The following TSPAN12 variants were observed in gnomAD, a reference collection of about 807,000 sequenced individuals.
The protein encoded by TSPAN12 is tetraspanin-12.
Under a neutral mutation model 39.2 loss-of-function variants are expected in TSPAN12, and 19 were observed. That is an observed-to-expected ratio of 0.49 (90% CI 0.34 to 0.71). The LOEUF (loss-of-function observed/expected upper bound fraction) is 0.71. Among genes scored for constraint, TSPAN12 ranks in the 30% least tolerant of loss-of-function variants. The pLI is 0.01. For missense variants in TSPAN12, 314 were observed against 359.9 expected, an observed-to-expected ratio of 0.87 and a Z score of 1.03; for synonymous variants, 119 against 124.8, an observed-to-expected ratio of 0.95 and a Z score of 0.31.
chr7:120,806,523 A>G, intron 7 of TSPAN12, 26 bp downstream of exon 7: 1 of 1,609,056 alleles, frequency 6.2e-7, no homozygotes, highest in Non-Finnish European at 8.5e-7. Context: ...ATTTATCCAT[A>G]ATAAATTAAC....
intron 4 of TSPAN12, among the ~76,000 whole-genome samples, chr7:120,837,537 T>A (rs1794501843): frequency 6.6e-6 from 1 of 152,028 alleles, no homozygotes; most frequent in Non-Finnish European, 1.5e-5. Flanking sequence ...TGGTCTTGAT[T>A]TCTTGACCTC....
chr7:120,837,053 T>C (rs961014514), intron 4 of TSPAN12, among the ~76,000 whole-genome samples: 2 of 152,190 alleles, frequency 1.3e-5, no homozygotes, highest in Non-Finnish European at 2.9e-5. Flanking sequence ...AGAGACATCA[T>C]TGTAAGACTG....
chr7:120,800,303 G>A (rs1000518956), intron 7 of TSPAN12, among the ~76,000 whole-genome samples: 9 of 151,996 alleles, frequency 5.9e-5, no homozygotes, highest in African/African-American at 2.2e-4. Flanking sequence ...ACCAAACTCT[G>A]TTCAGGCTCC....
intron 3 of TSPAN12, 102 bp from the exon 4 acceptor site, chr7:120,839,014 T>G: frequency 8.4e-7 from 1 of 1,187,960 alleles, no homozygotes; most frequent in Non-Finnish European, 1.2e-6. Flanking sequence ...ATTCTTTCAA[T>G]CATGATGCCT....
At chr7:120,844,824 G>A (rs1346400448) in intron 2 of TSPAN12, among the ~76,000 whole-genome samples, 2 of 152,196 alleles carry the variant, frequency 1.3e-5, no homozygotes, top group African/African-American at 4.8e-5. Flanking sequence ...CTGGAGGAGA[G>A]TGGCCCTCTT....
At chr7:120,834,987 A>G (rs1249267827) in intron 4 of TSPAN12, among the ~76,000 whole-genome samples, 1 of 152,086 alleles carries the variant, frequency 6.6e-6, no homozygotes, top group Non-Finnish European at 1.5e-5. Context: ...CACTCTCATC[A>G]CTGCCTTCCA....
At chr7:120,831,590 A>T (rs1440710860) in intron 4 of TSPAN12, among the ~76,000 whole-genome samples, 2 of 152,004 alleles carry the variant, frequency 1.3e-5, no homozygotes, top group African/African-American at 4.8e-5. Flanking sequence ...GGAACCTAAA[A>T]AGTGTTGATC....
At position 120,813,197 on chromosome 7, in the gene TSPAN12, T is replaced by C. The variant is rs187318514; in HGVS notation, c.360+2532A>G. 3.1e-4 allele frequency among the ~76,000 whole-genome samples: 47 copies of C among 152,352 alleles called. 1 individual carries two copies. In the East Asian group the frequency reaches 8.7e-3, roughly 28 times the overall value. ...AAATTTGGCAGATAATAAACTTTAA[T>C]GGTACTTTTCATTCACACTGCTATT... On this transcript the variant is annotated intron_variant, in intron 5 of 7. Transcript: ENST00000222747.
chr7:120,795,295 GT>G (rs949224909), intron 7 of TSPAN12, among the ~76,000 whole-genome samples: 8 of 152,326 alleles, frequency 5.3e-5, no homozygotes, highest in Middle Eastern at 3.4e-3. Flanking sequence ...AATAAGACAT[GT>G]TGGCTAACCT....
At chr7:120,849,586 C>T (rs564338324) in intron 2 of TSPAN12, among the ~76,000 whole-genome samples, 35 of 152,228 alleles carry the variant, frequency 2.3e-4, no homozygotes, top group African/African-American at 7.9e-4. Flanking sequence ...TCATGTCAAA[C>T]CTGTTAGCAA....
At chr7:120,835,140 G>T (rs1794453106) in intron 4 of TSPAN12, among the ~76,000 whole-genome samples, 1 of 152,158 alleles carries the variant, frequency 6.6e-6, no homozygotes, top group South Asian at 2.1e-4. Context: ...TTGTAGTCTG[G>T]TAGTCTGGGC....
At chr7:120,829,314 G>T (rs1029014845) in intron 4 of TSPAN12, among the ~76,000 whole-genome samples, 3 of 151,658 alleles carry the variant, frequency 2.0e-5, no homozygotes, top group African/African-American at 7.3e-5. Flanking sequence ...TCAAGAAAAA[G>T]CTTTCTTTAA....
At chr7:120,848,992 T>C (rs1229312721) in intron 2 of TSPAN12, among the ~76,000 whole-genome samples, 1 of 152,212 alleles carries the variant, frequency 6.6e-6, no homozygotes, top group Non-Finnish European at 1.5e-5. Flanking sequence ...AACATGTTAT[T>C]TTCTGCTAAT....
In TSPAN12 at chr7:120,788,598, C is replaced by T. The variant is rs2116272583; in HGVS notation, c.912G>A (p.Glu304=). The change falls in exon 8 of 8, where the codon GAG becomes GAA. Residue 304 remains glutamate, a synonymous_variant. Coordinates refer to ENST00000222747, the MANE Select transcript of TSPAN12 (RefSeq NM_012338.4). ...NSFNTHFEME[E]L Reference sequence around the variant, plus strand: ...TCTTCTGTGACATTTCTTTTTATAACTCCTCCATCTCAAAGTGTGTATTAA... The same window carrying T: ...TCTTCTGTGACATTTCTTTTTATAATTCCTCCATCTCAAAGTGTGTATTAA... 1.2e-6 allele frequency: 2 copies of T among 1,614,098 alleles called. No homozygotes were observed. The highest frequency in any genetic ancestry group is 2.2e-5 in the East Asian group (1 of 44,884).
chr7:120,838,664 T>C, intron 4 of TSPAN12, 113 bp downstream of exon 4: 1 of 1,123,174 alleles, frequency 8.9e-7, no homozygotes, highest in Non-Finnish European at 1.3e-6. Context: ...CGTCCCTTCT[T>C]ACAGGATGTT....
chr7:120,839,033 G>A, intron 3 of TSPAN12, 121 bp from the exon 4 acceptor site: 1 of 972,608 alleles, frequency 1.0e-6, no homozygotes, highest in Non-Finnish European at 1.6e-6. Flanking sequence ...CTCAAAACTA[G>A]TGACTGCATT....
intron 4 of TSPAN12, among the ~76,000 whole-genome samples, chr7:120,836,788 G>GT (rs1294756231): frequency 6.6e-5 from 10 of 152,314 alleles, no homozygotes; most frequent in South Asian, 2.1e-4. Context: ...TCATTCACAA[G>GT]TTTAAGATTT....
At chr7:120,793,094 C>A (rs1793564426) in intron 7 of TSPAN12, among the ~76,000 whole-genome samples, 1 of 152,180 alleles carries the variant, frequency 6.6e-6, no homozygotes, top group Non-Finnish European at 1.5e-5. Flanking sequence ...GCTGAAGAAT[C>A]AATTATCCCT....
At chr7:120,815,475 G>A (rs1179706691) in intron 5 of TSPAN12, among the ~76,000 whole-genome samples, 1 of 134,860 alleles carries the variant, frequency 7.4e-6, no homozygotes, top group Non-Finnish European at 1.6e-5. Context: ...TTTTATAAGG[G>A]GCTCTTCCCC....
Sources: allele counts gnomAD v4.1 joint callset (sites outside exome capture counted in the v4.1 genomes callset), GRCh38; gene constraint gnomAD v4.1.1; transcripts MANE v1.5; gene names NCBI Gene and HGNC (gene_info 2026-07-23, HGNC 2026-07-21).